Variants in TRAM1 observed in about 807,000 individuals in gnomAD.
TRAM1 encodes translocation associated membrane protein 1.
A neutral mutation model predicts 48.7 loss-of-function variants in TRAM1; 17 were observed. The observed-to-expected ratio is 0.35, with a 90% CI of 0.24 to 0.52. The LOEUF is 0.52. Among genes scored for constraint, TRAM1 ranks in the 20% least tolerant of loss-of-function variants. The probability of loss-of-function intolerance (pLI) is 0.94; values close to 1 mark genes in which losing one functional copy is unlikely to be tolerated. For missense variants in TRAM1, 351 were observed against 441.5 expected (o/e 0.79, Z 1.84); for synonymous variants, 182 against 154.0 (o/e 1.18, Z -1.34).
chr8:70,583,539 G>C, intron 9 of TRAM1, 111 bp downstream of exon 9: 1 of 1,430,074 alleles, frequency 7.0e-7, no homozygotes, highest in African/African-American at 1.4e-5. Context: ...AATCAAATGA[G>C]TATTTTCCCC....
intron 6 of TRAM1, among the ~76,000 whole-genome samples, chr8:70,593,335 A>G (rs1432745043): frequency 6.6e-6 from 1 of 152,022 alleles, no homozygotes; most frequent in East Asian, 1.9e-4. Context: ...GCTTTTGAGT[A>G]GGCAAAGATA....
intron 6 of TRAM1, among the ~76,000 whole-genome samples, chr8:70,594,183 T>G (rs949742264): frequency 5.3e-5 from 8 of 152,020 alleles, no homozygotes; most frequent in Admixed American, 3.9e-4. Context: ...ATCAGTAAGA[T>G]AAAACAAATA....
rs149505617 is a variant in TRAM1 at position 70,594,530 on chromosome 8, T to C, written c.546A>G (p.Glu182=). ...QLAYWLHAFP[E]LYFQKTKKED... Reference sequence around the variant, plus strand: ...CTTTTTTGGTTTTCTGGAAGTAGAGTTCAGGAAAAGCATGAAGCCAGTAAG... The same window carrying C: ...CTTTTTTGGTTTTCTGGAAGTAGAGCTCAGGAAAAGCATGAAGCCAGTAAG... The change falls in exon 6 of 11, where the codon GAA becomes GAG. Residue 182 remains glutamate, a synonymous_variant. Transcript: ENST00000262213. 2.0e-5 allele frequency: 32 copies of C among 1,602,000 alleles called. No homozygotes were observed. In the African/African-American group the frequency reaches 3.5e-4, roughly 18 times the overall value.
intron 10 of TRAM1, 56 bp from the exon 11 acceptor site, chr8:70,575,061 A>ATCTT (rs1816917293): frequency 3.1e-6 from 4 of 1,275,954 alleles, no homozygotes; most frequent in Non-Finnish European, 4.4e-6. Context: ...GCAAGTTATA[A>ATCTT]TCTTTATATG....
Position 70,575,005 on chromosome 8 carries a change from T to G in TRAM1, c.1052A>C (p.Glu351Ala). ...AGTTAATGTTCCATTCACACCATTT[T>G]CTGCAAAAAGAAAAGAATCCATGTT... Reference protein sequence around the residue: ...TKGRSSKKGTENGVNGTLTSN... With the variant: ...TKGRSSKKGTANGVNGTLTSN... The change falls in exon 11 of 11, where the codon GAA becomes GCA. Residue 351 changes from glutamate to alanine, a missense_variant and splice_region_variant. Coordinates refer to ENST00000262213, the MANE Select transcript of TRAM1 (RefSeq NM_014294.6). 1 of 1,604,256 alleles carries G rather than the reference T, an allele frequency of 6.2e-7. No individual in the cohort carries two copies. Among genetic ancestry groups the G allele is most frequent in the Non-Finnish European group, 8.5e-7 (1 of 1,176,262 alleles).
intron 1 of TRAM1, chr8:70,607,116 A>C: frequency 1.0e-6 from 1 of 981,930 alleles, no homozygotes; most frequent in Non-Finnish European, 1.2e-6. Context: ...AGAAAAATTA[A>C]AAAGGGAAAA....
chr8:70,580,025 G>C (rs1460933651), intron 10 of TRAM1, among the ~76,000 whole-genome samples: 1 of 152,044 alleles, frequency 6.6e-6, no homozygotes, highest in African/African-American at 2.4e-5. Context: ...ATGTACATTA[G>C]CTTAAAAAAG....
At chr8:70,592,142 G>A (rs11995547) in intron 6 of TRAM1, among the ~76,000 whole-genome samples, 198 of 152,208 alleles carry the variant, frequency 1.3e-3, no homozygotes, top group African/African-American at 4.5e-3. Flanking sequence ...TTCCCTAAAA[G>A]CTCATATATT....
chr8:70,597,542 C>A (rs207469333), intron 4 of TRAM1, among the ~76,000 whole-genome samples: 1 of 151,346 alleles, frequency 6.6e-6, no homozygotes, highest in Non-Finnish European at 1.5e-5. Flanking sequence ...TGGTGGCGTG[C>A]GTCTGTAGTC....
chr8:70,589,658 C>T lies in TRAM1; in HGVS notation c.571-2482G>A, dbSNP rs146583796. 2.2e-3 allele frequency among the ~76,000 whole-genome samples: 329 copies of T among 152,042 alleles called. 1 individual carries two copies. Among genetic ancestry groups the T allele is most frequent in the Non-Finnish European group, 3.7e-3 (253 of 67,958 alleles). On this transcript the variant is annotated intron_variant, in intron 6 of 10. Transcript: ENST00000262213. ...TTCGAAACCAGCCTTGGCAACATGG[C>T]GAAACCCCATCTCTAAAAAAATACA...
chr8:70,607,916 G>C (rs1223408502), intron 1 of TRAM1, 161 bp downstream of exon 1: 1 of 825,950 alleles, frequency 1.2e-6, no homozygotes, highest in Non-Finnish European at 1.6e-6. Flanking sequence ...CGCCGACGTG[G>C]GGCAGGGCAG....
intron 1 of TRAM1, among the ~76,000 whole-genome samples, chr8:70,604,148 A>G (rs779742128): frequency 6.6e-6 from 1 of 152,264 alleles, no homozygotes; most frequent in Non-Finnish European, 1.5e-5. Context: ...TGGAAAAATG[A>G]AAAAAGAGAC....
chr8:70,594,680 G>GGTAGTTACTTAGTATA, intron 5 of TRAM1, 90 bp from the exon 6 acceptor site: 1 of 986,404 alleles, frequency 1.0e-6, no homozygotes, highest in Non-Finnish European at 1.5e-6. Flanking sequence ...GATATACTAA[G>GGTAGTTACTTAGTATA]TAACTACCTT....
intron 8 of TRAM1, among the ~76,000 whole-genome samples, chr8:70,585,730 T>C (rs1313801877): frequency 1.5e-5 from 1 of 65,762 alleles, no homozygotes; most frequent in South Asian, 5.4e-4. Context: ...AGATACCATC[T>C]CACACCAGTT....
intron 1 of TRAM1, among the ~76,000 whole-genome samples, chr8:70,605,554 T>C (rs562980441): frequency 1.5e-4 from 23 of 152,358 alleles, no homozygotes; most frequent in African/African-American, 5.5e-4. Context: ...AATCAATTTC[T>C]CTATTATTCT....
chr8:70,576,069 T>TAAAAAAAA (rs1391722559), intron 10 of TRAM1, among the ~76,000 whole-genome samples: 1 of 40,138 alleles, frequency 2.5e-5, no homozygotes, highest in African/African-American at 8.4e-5. Context: ...AGACTCCATC[T>TAAAAAAAA]AAAAAAAAAA....
intron 10 of TRAM1, among the ~76,000 whole-genome samples, chr8:70,582,305 T>TC (rs1308990164): frequency 6.6e-6 from 1 of 150,872 alleles, no homozygotes; most frequent in Non-Finnish European, 1.5e-5. Flanking sequence ...TTTTTTTTTT[T>TC]CTAAAGAGGC....
chr8:70,605,171 T>C (rs1412566729), intron 1 of TRAM1, among the ~76,000 whole-genome samples: 1 of 152,182 alleles, frequency 6.6e-6, no homozygotes, highest in Non-Finnish European at 1.5e-5. Flanking sequence ...TATTTCCCAA[T>C]TTTGGTGAGT....
In TRAM1 at chr8:70,573,821, C is replaced by T. The variant is rs1373008020; in HGVS notation, c.*1111G>A. 1 of 152,134 alleles carries T rather than the reference C, an allele frequency of 6.6e-6. No individual in the cohort carries two copies. The highest frequency in any genetic ancestry group is 1.9e-4 in the East Asian group (1 of 5,184). The allele number at this position is 152,134 out of a possible 1,614,324, so 9.4% of individuals were successfully genotyped here. A position where few individuals can be genotyped will look rare whatever the true frequency, so the allele number is the denominator to read the frequency against. ...ATAGAAAAGGGAACCAAATATTTTC[C>T]TCAAATGCTTTTTAGAGCCTTTCTG... On this transcript the variant is annotated 3_prime_UTR_variant, in exon 11 of 11. Transcript: ENST00000262213.
Sources: gnomAD v4.1 joint callset for allele counts (sites outside exome capture counted in the v4.1 genomes callset) on GRCh38, gnomAD v4.1.1 for gene constraint, MANE v1.5 for transcripts, NCBI Gene and HGNC (gene_info 2026-07-23, HGNC 2026-07-21) for gene names.